TXNRD1: variants seen among roughly 807,000 people sequenced by gnomAD.
TXNRD1 encodes thioredoxin reductase 1, cytoplasmic.
TXNRD1 carries 57 observed loss-of-function variants against 80.3 expected under a neutral mutation model. That is an observed-to-expected ratio of 0.71 (90% confidence interval 0.57 to 0.89). The LOEUF (loss-of-function observed/expected upper bound fraction) is 0.89, where lower values mean the gene tolerates loss of function less well. TXNRD1 is among the 40% of genes least tolerant of loss of function. TXNRD1 has a pLI of 0.00. For synonymous variants in TXNRD1, 291 were observed against 285.2 expected (o/e 1.02, Z -0.20); for missense variants, 730 against 803.0 (o/e 0.91, Z 1.10).
chr12:104,289,129 T>C, intron 4 of TXNRD1, 89 bp downstream of exon 4: 1 of 1,479,012 alleles, frequency 6.8e-7, no homozygotes, highest in South Asian at 1.3e-5. Flanking sequence ...CCAGCGTGGA[T>C]GTGACCCTCC....
intron 15 of TXNRD1, among the ~76,000 whole-genome samples, chr12:104,335,452 G>T (rs2036105139): frequency 6.6e-6 from 1 of 151,992 alleles, no homozygotes; most frequent in Admixed American, 6.6e-5. Flanking sequence ...CGTCTGCCTT[G>T]GTCTCCCAAA....
chr12:104,328,538 C>T (rs977638114), intron 13 of TXNRD1, among the ~76,000 whole-genome samples: 5 of 152,090 alleles, frequency 3.3e-5, no homozygotes, highest in Admixed American at 1.3e-4. Context: ...AGGCAGATCA[C>T]GAGGTCAGGA....
intron 3 of TXNRD1, among the ~76,000 whole-genome samples, chr12:104,273,408 C>T (rs1452732870): frequency 6.6e-5 from 10 of 152,204 alleles, no homozygotes; most frequent in African/African-American, 1.7e-4. Context: ...GCCTGGCCAA[C>T]GTAGTGAAAC....
At chr12:104,342,923 G>T (rs946596505) in intron 16 of TXNRD1, among the ~76,000 whole-genome samples, 11 of 152,184 alleles carry the variant, frequency 7.2e-5, no homozygotes, top group Admixed American at 5.9e-4. Context: ...GGCCGGAGGT[G>T]TGGCAGTGGA....
At chr12:104,290,551 G>A (rs1210034323) in intron 4 of TXNRD1, among the ~76,000 whole-genome samples, 2 of 151,372 alleles carry the variant, frequency 1.3e-5, no homozygotes, top group East Asian at 1.9e-4. Context: ...AAATTAGCCA[G>A]GGCTTGGTGG....
At chr12:104,287,391 G>C (rs1355147408) in intron 3 of TXNRD1, 3 of 1,613,952 alleles carry the variant, frequency 1.9e-6, no homozygotes, top group Non-Finnish European at 2.5e-6. Flanking sequence ...CCTTCCTCTT[G>C]GTCTTTGTAG....
In TXNRD1 at chr12:104,319,600, C is replaced by T. The variant is rs758468103; in HGVS notation, c.989+15C>T. The T allele has an allele frequency of 2.6e-6, 4 of 1,553,988 alleles. No individual in the cohort carries two copies. The highest frequency in any genetic ancestry group is 3.5e-6 in the Non-Finnish European group (4 of 1,142,250). Reference sequence around the variant, plus strand: ...TGCATCAGCAGGTAAAGGAAAAAAGCAGGGTGGAAAAGAAAAACCCATTGT... The same window carrying T: ...TGCATCAGCAGGTAAAGGAAAAAAGTAGGGTGGAAAAGAAAAACCCATTGT... On this transcript the variant is annotated intron_variant, in intron 9 of 16. Transcript: ENST00000525566.
intron 3 of TXNRD1, among the ~76,000 whole-genome samples, chr12:104,274,767 T>C (rs2033722085): frequency 6.6e-6 from 1 of 152,058 alleles, no homozygotes. Context: ...CATCTTAGGT[T>C]CTAATAGCTG....
intron 9 of TXNRD1, 91 bp downstream of exon 9, chr12:104,319,676 C>T (rs948289916): frequency 4.2e-6 from 4 of 946,530 alleles, no homozygotes; most frequent in Admixed American, 2.5e-5. Flanking sequence ...ATTTCTTGGG[C>T]TTCAGACAGA....
intron 3 of TXNRD1, chr12:104,286,851 T>C: frequency 9.2e-7 from 1 of 1,082,330 alleles, no homozygotes; most frequent in Non-Finnish European, 1.1e-6. Context: ...GCAGAGGATG[T>C]GGTGTCACCC....
chr12:104,219,261 T>A (rs567789697), intron 1 of TXNRD1, among the ~76,000 whole-genome samples: 1 of 152,350 alleles, frequency 6.6e-6, no homozygotes, highest in East Asian at 1.9e-4. Context: ...AAAAATGTTC[T>A]TTTGTGTGTC....
intron 1 of TXNRD1, among the ~76,000 whole-genome samples, chr12:104,216,248 A>G (rs1309393577): frequency 2.6e-5 from 4 of 152,180 alleles, no homozygotes; most frequent in Non-Finnish European, 5.9e-5. Flanking sequence ...TCCTCTTCCT[A>G]CAAGCACCGT....
intron 4 of TXNRD1, chr12:104,291,196 C>CTT (rs35069007): frequency 4.2e-3 from 578 of 136,268 alleles, no homozygotes; most frequent in African/African-American, 5.2e-3. Flanking sequence ...TACTTTGTGT[C>CTT]TTTTTTTTTT....
chr12:104,252,728 A>G (rs1212884182), intron 2 of TXNRD1, among the ~76,000 whole-genome samples: 1 of 86,670 alleles, frequency 1.2e-5, no homozygotes, highest in East Asian at 3.8e-4. Flanking sequence ...TTTGAGACGG[A>G]GTCTCGCTCT....
At chr12:104,317,200 T>C (rs1165985189) in intron 7 of TXNRD1, among the ~76,000 whole-genome samples, 2 of 152,110 alleles carry the variant, frequency 1.3e-5, no homozygotes, top group African/African-American at 4.8e-5. Context: ...GTGAGCTATA[T>C]ACTATTCTAT....
chr12:104,343,952 A>G (rs114886476), intron 16 of TXNRD1, among the ~76,000 whole-genome samples: 101 of 152,264 alleles, frequency 6.6e-4, no homozygotes, highest in African/African-American at 2.2e-3. Flanking sequence ...AAAAATACGA[A>G]AATGGCCTGA....
At chr12:104,307,793 T>A (rs1025167331) in intron 4 of TXNRD1, among the ~76,000 whole-genome samples, 5 of 151,878 alleles carry the variant, frequency 3.3e-5, no homozygotes, top group Non-Finnish European at 5.9e-5. Flanking sequence ...TTACTAGGAG[T>A]GGGTCTGGGG....
In TXNRD1 at chr12:104,269,811, C is replaced by T. The variant is rs1028359663; in HGVS notation, c.304+11732C>T. Among the ~76,000 whole-genome samples, 6 of 151,958 alleles carry T rather than the reference C, an allele frequency of 3.9e-5. No homozygotes were observed. The East Asian group carries it at 5.8e-4, about 15-fold the overall frequency. Reference sequence around the variant, plus strand: ...GTCTCGATCTCCTGACCTCGTGATCCGCCTGCCTTGTCCTCCCAAAGTGCT... The same window carrying T: ...GTCTCGATCTCCTGACCTCGTGATCTGCCTGCCTTGTCCTCCCAAAGTGCT... On this transcript the variant is annotated intron_variant, in intron 3 of 16. Transcript: ENST00000525566.
chr12:104,300,927 T>G (rs2034600560), intron 4 of TXNRD1, among the ~76,000 whole-genome samples: 1 of 152,180 alleles, frequency 6.6e-6, no homozygotes, highest in Admixed American at 6.5e-5. Flanking sequence ...ATTACAGGTG[T>G]CAGCCACCGC....
Sources: allele counts gnomAD v4.1 joint callset (sites outside exome capture counted in the v4.1 genomes callset), GRCh38; gene constraint gnomAD v4.1.1; transcripts MANE v1.5; gene names NCBI Gene and HGNC (gene_info 2026-07-23, HGNC 2026-07-21).